Variants in FOXN3 observed in about 807,000 individuals in gnomAD.
The protein encoded by FOXN3 is forkhead box protein N3.
In FOXN3, 7 loss-of-function variants were observed where a neutral mutation model predicts 38.4. The observed-to-expected ratio is 0.18, with a 90% CI of 0.10 to 0.34. The LOEUF (loss-of-function observed/expected upper bound fraction) is 0.34, where lower values mean the gene tolerates loss of function less well. Ranked by LOEUF, FOXN3 falls within the 10% of genes least tolerant of loss-of-function variation. The probability of loss-of-function intolerance (pLI) is 1.00; values close to 1 mark genes in which losing one functional copy is unlikely to be tolerated. For synonymous variants in FOXN3, 230 were observed against 242.2 expected (o/e 0.95, Z 0.47); for missense variants, 456 against 613.4 (o/e 0.74, Z 2.71).
chr14:89,606,241 G>A (rs1282883916), intron 1 of FOXN3, among the ~76,000 whole-genome samples: 5 of 152,202 alleles, frequency 3.3e-5, no homozygotes, highest in African/African-American at 1.2e-4. Flanking sequence ...TATAAAATAA[G>A]TTGAATTAGT....
In FOXN3 at chr14:89,299,622, T is replaced by C. The variant is rs375103471; in HGVS notation, c.681-18608A>G. 2.0e-4 allele frequency among the ~76,000 whole-genome samples: 31 copies of C among 152,302 alleles called. No individual in the cohort carries two copies. The East Asian group carries it at 4.6e-3, about 23-fold the overall frequency. Reference sequence around the variant, plus strand: ...CAGCTTGCCTCAGAGATGGAGATGATAGAAGGTGGCCCGGGGATACCTTCT... The same window carrying C: ...CAGCTTGCCTCAGAGATGGAGATGACAGAAGGTGGCCCGGGGATACCTTCT... On this transcript the variant is annotated intron_variant, in intron 3 of 5. Transcript: ENST00000557258.
intron 1 of FOXN3, among the ~76,000 whole-genome samples, chr14:89,589,249 GAA>G (rs1297379440): frequency 6.6e-6 from 1 of 152,004 alleles, no homozygotes. Flanking sequence ...CTAATATCTA[GAA>G]AAGACACACC....
At chr14:89,609,744 G>C (rs1300118670) in intron 1 of FOXN3, among the ~76,000 whole-genome samples, 1 of 152,174 alleles carries the variant, frequency 6.6e-6, no homozygotes, top group African/African-American at 2.4e-5. Context: ...TTTAGGGACA[G>C]AAGTCTTCCA....
chr14:89,429,320 T>C (rs1018661708), intron 1 of FOXN3, among the ~76,000 whole-genome samples: 1 of 152,122 alleles, frequency 6.6e-6, no homozygotes, highest in African/African-American at 2.4e-5. Context: ...GAAACATCCT[T>C]CTCCCTCCAA....
intron 1 of FOXN3, among the ~76,000 whole-genome samples, chr14:89,482,342 C>T (rs1389238094): frequency 1.3e-5 from 2 of 152,154 alleles, no homozygotes; most frequent in South Asian, 2.1e-4. Flanking sequence ...TGTGTGCAGC[C>T]GGGCACATTG....
intron 1 of FOXN3, among the ~76,000 whole-genome samples, chr14:89,520,072 G>A (rs1041482536): frequency 2.2e-5 from 3 of 136,520 alleles, no homozygotes; most frequent in South Asian, 2.3e-4. Context: ...GGAGTGCAGC[G>A]GCACGAGCGC....
intron 2 of FOXN3, among the ~76,000 whole-genome samples, chr14:89,369,729 T>C (rs945175769): frequency 6.6e-6 from 1 of 152,194 alleles, no homozygotes; most frequent in Non-Finnish European, 1.5e-5. Flanking sequence ...ACTTGTTCAC[T>C]ATCATGAGAA....
chr14:89,433,029 C>A (rs1177061503), intron 1 of FOXN3, among the ~76,000 whole-genome samples: 1 of 152,122 alleles, frequency 6.6e-6, no homozygotes, highest in Non-Finnish European at 1.5e-5. Flanking sequence ...CCCTTTCTAC[C>A]CTCACCATTA....
intron 4 of FOXN3, among the ~76,000 whole-genome samples, chr14:89,188,103 G>T (rs1249857307): frequency 6.6e-6 from 1 of 152,074 alleles, no homozygotes; most frequent in African/African-American, 2.4e-5. Flanking sequence ...GCTGTGGCTG[G>T]ATTTCTCACA....
intron 1 of FOXN3, among the ~76,000 whole-genome samples, chr14:89,543,957 G>A (rs1163685421): frequency 6.6e-6 from 1 of 152,178 alleles, no homozygotes. Flanking sequence ...ATGTTATGAA[G>A]ATGGAGCTTC....
intron 1 of FOXN3, among the ~76,000 whole-genome samples, chr14:89,482,559 A>G (rs1352462849): frequency 6.6e-6 from 1 of 151,800 alleles, no homozygotes; most frequent in Non-Finnish European, 1.5e-5. Context: ...GGCTGCAGTA[A>G]GCCATGATCA....
At chr14:89,203,951 C>T (rs1486821668) in intron 4 of FOXN3, among the ~76,000 whole-genome samples, 1 of 151,930 alleles carries the variant, frequency 6.6e-6, no homozygotes, top group Non-Finnish European at 1.5e-5. Flanking sequence ...CACAAGGCCA[C>T]AAGCATAATG....
At chr14:89,511,502 C>T (rs1413842452) in intron 1 of FOXN3, among the ~76,000 whole-genome samples, 1 of 151,524 alleles carries the variant, frequency 6.6e-6, no homozygotes, top group Non-Finnish European at 1.5e-5. Context: ...ACTGTGTTGC[C>T]CAGGCTGGTC....
intron 2 of FOXN3, chr14:89,401,687 T>C (rs1333634400): frequency 1.5e-5 from 7 of 455,732 alleles, no homozygotes; most frequent in African/African-American, 8.0e-5. Flanking sequence ...AAACAAAGCA[T>C]GTGCACATGT....
At chr14:89,237,881 T>C (rs1251271110) in intron 4 of FOXN3, among the ~76,000 whole-genome samples, 1 of 152,230 alleles carries the variant, frequency 6.6e-6, no homozygotes, top group African/African-American at 2.4e-5. Flanking sequence ...CCACGCTGTG[T>C]CTTGTTTCTC....
chr14:89,447,887 G>A (rs192525656), intron 1 of FOXN3, among the ~76,000 whole-genome samples: 95 of 127,180 alleles, frequency 7.5e-4, no homozygotes, highest in Admixed American at 4.1e-3. Flanking sequence ...GCACCATCTC[G>A]GCTCACTGCA....
At chr14:89,188,847 A>T (rs979383268) in intron 4 of FOXN3, among the ~76,000 whole-genome samples, 12 of 148,874 alleles carry the variant, frequency 8.1e-5, no homozygotes, top group African/African-American at 2.8e-4. Flanking sequence ...AGTTTATTTA[A>T]AAAAAAAAAT....
chr14:89,349,575 C>T (rs1888887474), intron 3 of FOXN3: 1 of 152,656 alleles, frequency 6.6e-6, no homozygotes, highest in Non-Finnish European at 1.5e-5. Context: ...GCTCCAGTTG[C>T]TATGGGTACC....
intron 1 of FOXN3, among the ~76,000 whole-genome samples, chr14:89,422,571 C>T (rs560028379): frequency 8.5e-5 from 13 of 152,298 alleles, no homozygotes; most frequent in South Asian, 2.1e-4. Flanking sequence ...GGTCTGAGAA[C>T]GCTGTTTGTA....
Sources: gnomAD v4.1 joint callset for allele counts (sites outside exome capture counted in the v4.1 genomes callset) on GRCh38, gnomAD v4.1.1 for gene constraint, MANE v1.5 for transcripts, NCBI Gene and HGNC (gene_info 2026-07-23, HGNC 2026-07-21) for gene names.